OR1J2: variants seen among roughly 807,000 people sequenced by gnomAD.
OR1J2 encodes olfactory receptor family 1 subfamily J member 2.
For missense variants in OR1J2, 304 were observed against 246.1 expected (o/e 1.24, Z -1.57); for synonymous variants, 142 against 99.7 (o/e 1.42, Z -2.52).
At chr9:122,497,426 A>G in the OR1J2 span, among the ~76,000 whole-genome samples, 21 of 151,936 alleles carry the variant, frequency 1.4e-4, no homozygotes, top group Non-Finnish European at 2.2e-4. Context: ...GAATTTATCT[A>G]TTTCCTCTAG....
the OR1J2 span, among the ~76,000 whole-genome samples, chr9:122,529,381 G>A: frequency 6.6e-6 from 1 of 152,212 alleles, no homozygotes; most frequent in Non-Finnish European, 1.5e-5. Flanking sequence ...TTTTCAAAGG[G>A]ACAGTAAGTT....
At chr9:122,565,163 T>C in the OR1J2 span, among the ~76,000 whole-genome samples, 1 of 152,180 alleles carries the variant, frequency 6.6e-6, no homozygotes. Context: ...GGTGCATCTA[T>C]TTGGATTTTA....
chr9:122,520,133 T>C, the OR1J2 span: 8 of 1,352,060 alleles, frequency 5.9e-6, no homozygotes, highest in East Asian at 9.3e-5. Context: ...TTCCAGATCA[T>C]AGATCCTTAC....
the OR1J2 span, among the ~76,000 whole-genome samples, chr9:122,576,119 T>C: frequency 2.0e-4 from 31 of 152,338 alleles, no homozygotes; most frequent in Non-Finnish European, 7.4e-5. Flanking sequence ...ACATTGCTCC[T>C]TTTAAGAACA....
Position 122,510,971 on chromosome 9 carries a change from CCCCCATGTA to C in OR1J2, c.172_180del (p.Pro58_Tyr60del), listed in dbSNP as rs1828621764. ...ATCCAGCTGGACTCTCACCTTCACA[CCCCCATGTA>C]CTTCTTCCTCAGCCACTTGGCTCTC... is the stretch of plus-strand genomic sequence containing the variant. On this transcript the variant is annotated inframe_deletion, in exon 1 of 1. Coordinates refer to ENST00000335302, the MANE Select transcript of OR1J2 (RefSeq NM_054107.1). The C allele has an allele frequency of 6.2e-7, 1 of 1,612,004 alleles. No individual in the cohort carries two copies. The highest frequency in any genetic ancestry group is 8.5e-7 in the Non-Finnish European group (1 of 1,178,210).
At chr9:122,529,485 C>G in the OR1J2 span, among the ~76,000 whole-genome samples, 1 of 152,208 alleles carries the variant, frequency 6.6e-6, no homozygotes, top group Admixed American at 6.5e-5. Context: ...ATCTAGGGCA[C>G]CAACTGCTTA....
At chr9:122,515,078 C>T (rs1828681150), downstream of OR1J2, among the ~76,000 whole-genome samples, 1 of 152,128 alleles carries the variant, frequency 6.6e-6, no homozygotes, top group Non-Finnish European at 1.5e-5. Flanking sequence ...AGTCTCTAAC[C>T]GTGAGCTTTG....
the OR1J2 span, among the ~76,000 whole-genome samples, chr9:122,516,873 C>T: frequency 9.3e-3 from 1,422 of 152,236 alleles, 21 homozygotes; most frequent in African/African-American, 0.033. Flanking sequence ...TGTTTCTGGC[C>T]TTTGCCTGCA....
the OR1J2 span, among the ~76,000 whole-genome samples, chr9:122,546,414 A>G: frequency 2.0e-5 from 3 of 152,184 alleles, no homozygotes; most frequent in African/African-American, 7.2e-5. Context: ...AAGCTTATGA[A>G]GTAAAGCAGC....
downstream of OR1J2, among the ~76,000 whole-genome samples, chr9:122,512,973 T>G (rs985815505): frequency 5.3e-5 from 8 of 152,236 alleles, no homozygotes; most frequent in African/African-American, 1.9e-4. Flanking sequence ...AAATTGTGTA[T>G]TGGTTAGAAA....
chr9:122,533,474 C>T, the OR1J2 span, among the ~76,000 whole-genome samples: 343 of 151,898 alleles, frequency 2.3e-3, no homozygotes, highest in African/African-American at 7.9e-3. Context: ...GTGTCTTACA[C>T]TTGTGGGTTA....
At chr9:122,526,973 A>T in the OR1J2 span, 1 of 1,614,092 alleles carries the variant, frequency 6.2e-7, no homozygotes, top group Non-Finnish European at 8.5e-7. Flanking sequence ...AGCTGTCTAG[A>T]TCACCAAACA....
At chr9:122,511,831 G>A (rs1828644572), downstream of OR1J2, 5 of 714,170 alleles carry the variant, frequency 7.0e-6, no homozygotes, top group Non-Finnish European at 1.3e-5. Context: ...AACATGTTAT[G>A]TCCTGAAGCC....
In OR1J2 at chr9:122,511,272, C is replaced by G. The variant is rs372847297; in HGVS notation, c.471C>G (p.Leu157=). The change falls in exon 1 of 1, where the codon CTC becomes CTG. Residue 157 remains leucine (L), a synonymous_variant. Transcript: ENST00000335302. Reference sequence around the variant, plus strand: ...GGATTCTGTCTTGTGCCAGCTCCCTCTCTCACACCCTTCTCCTGACCCGGC... The same window carrying G: ...GGATTCTGTCTTGTGCCAGCTCCCTGTCTCACACCCTTCTCCTGACCCGGC... ...VSWILSCASS[L]SHTLLLTRLS... 1 of 749,068 alleles carries G rather than the reference C, an allele frequency of 1.3e-6. No homozygotes were observed. Among genetic ancestry groups the G allele is most frequent in the South Asian group, 1.5e-5 (1 of 67,934 alleles). 46.4% of individuals were successfully genotyped at this position (749,068 alleles called of 1,614,324 possible).
At chr9:122,479,395 T>G in the OR1J2 span, among the ~76,000 whole-genome samples, 1 of 152,244 alleles carries the variant, frequency 6.6e-6, no homozygotes, top group Non-Finnish European at 1.5e-5. Context: ...CTCTCGGCCT[T>G]TGTGTTTTAT....
At chr9:122,523,614 G>A in the OR1J2 span, among the ~76,000 whole-genome samples, 1 of 152,264 alleles carries the variant, frequency 6.6e-6, no homozygotes, top group South Asian at 2.1e-4. Context: ...CTTGAAGGTA[G>A]ACTAGACGGT....
chr9:122,447,818 T>G, the OR1J2 span, among the ~76,000 whole-genome samples: 1 of 152,170 alleles, frequency 6.6e-6, no homozygotes, highest in African/African-American at 2.4e-5. Context: ...GAAGGATACA[T>G]ACAACAGACA....
At chr9:122,493,312 G>C in the OR1J2 span, among the ~76,000 whole-genome samples, 2 of 152,078 alleles carry the variant, frequency 1.3e-5, no homozygotes, top group African/African-American at 4.8e-5. Flanking sequence ...ATAGAGTTGA[G>C]CTGTGAATCC....
chr9:122,493,404 ACT>A, the OR1J2 span, among the ~76,000 whole-genome samples: 2 of 151,668 alleles, frequency 1.3e-5, no homozygotes, highest in Admixed American at 6.6e-5. Context: ...CTATTCAGAG[ACT>A]CTATATCTTC....
Sources: gnomAD v4.1 joint callset for allele counts (sites outside exome capture counted in the v4.1 genomes callset) on GRCh38, gnomAD v4.1.1 for gene constraint, MANE v1.5 for transcripts, NCBI Gene and HGNC (gene_info 2026-07-23, HGNC 2026-07-21) for gene names.